The following NEDD9 variants were observed in gnomAD, a reference collection of about 807,000 sequenced individuals.
NEDD9 encodes neural precursor cell expressed, developmentally down-regulated 9.
In NEDD9, 26 loss-of-function variants were observed where a neutral mutation model predicts 76.6. The ratio of observed to expected loss-of-function variants is 0.34; its 90% CI spans 0.25 to 0.47. The LOEUF (loss-of-function observed/expected upper bound fraction) is 0.47, where lower values mean the gene tolerates loss of function less well. Ranked by LOEUF, NEDD9 falls within the 20% of genes least tolerant of loss-of-function variation. NEDD9 has a pLI of 1.00. For synonymous variants in NEDD9, 392 were observed against 414.2 expected (o/e 0.95, Z 0.65); for missense variants, 937 against 1,058.5 (o/e 0.89, Z 1.59).
intron 2 of NEDD9, among the ~76,000 whole-genome samples, chr6:11,330,389 G>T (rs1762010737): frequency 1.3e-5 from 2 of 152,172 alleles, no homozygotes; most frequent in Non-Finnish European, 2.9e-5. Flanking sequence ...ATTTTGGCGG[G>T]AACAGAGAGC....
At chr6:11,326,210 A>G (rs1372780990) in intron 2 of NEDD9, among the ~76,000 whole-genome samples, 1 of 151,848 alleles carries the variant, frequency 6.6e-6, no homozygotes, top group African/African-American at 2.4e-5. Flanking sequence ...AGTCCGCTGG[A>G]CTTTGTTATC....
chr6:11,240,782 G>A (rs1759695155), intron 3 of NEDD9, among the ~76,000 whole-genome samples: 1 of 152,204 alleles, frequency 6.6e-6, no homozygotes, highest in Non-Finnish European at 1.5e-5. Context: ...AGACTTGGAT[G>A]AATTAACTTA....
intron 3 of NEDD9, among the ~76,000 whole-genome samples, chr6:11,285,465 C>CT (rs1026456896): frequency 1.4e-4 from 22 of 151,886 alleles, no homozygotes; most frequent in Admixed American, 6.6e-4. Flanking sequence ...GCCCAGTAGG[C>CT]TTTTTTTTGT....
chr6:11,327,651 C>T (rs536959599), intron 2 of NEDD9, among the ~76,000 whole-genome samples: 13 of 152,260 alleles, frequency 8.5e-5, no homozygotes, highest in Admixed American at 3.9e-4. Context: ...CAGAGAAAGA[C>T]GATGGAAAGT....
chr6:11,225,178 T>G (rs575496850), intron 1 of NEDD9, among the ~76,000 whole-genome samples: 1 of 152,372 alleles, frequency 6.6e-6, no homozygotes, highest in Admixed American at 6.5e-5. Flanking sequence ...TCAAATATTT[T>G]TGTTGCTTGA....
chr6:11,343,434 A>T (rs1180908348), intron 1 of NEDD9, among the ~76,000 whole-genome samples: 2 of 152,122 alleles, frequency 1.3e-5, no homozygotes, highest in Admixed American at 6.5e-5. Context: ...GTCTCAAAAA[A>T]AAAAAAAAGT....
chr6:11,351,351 A>C (rs1311401236), intron 1 of NEDD9, among the ~76,000 whole-genome samples: 1 of 152,216 alleles, frequency 6.6e-6, no homozygotes, highest in Non-Finnish European at 1.5e-5. Flanking sequence ...AGGATGGACC[A>C]GTTCAAGAGG....
chr6:11,370,039 G>A lies in NEDD9; in HGVS notation c.-214+12100C>T, dbSNP rs913894840. Among the ~76,000 whole-genome samples the A allele has an allele frequency of 2.6e-5, 4 of 152,204 alleles. No homozygotes were observed. The highest frequency in any genetic ancestry group is 5.9e-5 in the Non-Finnish European group (4 of 68,044). ...CAGATAGAAAGTATGACATAGAAGAGGCTAACACTTCTCTAACTGGGTATT... is the reference window on the plus strand; with the variant it reads ...CAGATAGAAAGTATGACATAGAAGAAGCTAACACTTCTCTAACTGGGTATT... On this transcript the variant is annotated intron_variant, in intron 1 of 3. Coordinates refer to the NEDD9 transcript ENST00000397378. The surrounding 1 kb of genome is among the most constrained non-coding windows in gnomAD (Gnocchi z 4.2).
At chr6:11,341,913 A>G (rs762506434) in intron 1 of NEDD9, among the ~76,000 whole-genome samples, 19 of 152,188 alleles carry the variant, frequency 1.2e-4, no homozygotes, top group Non-Finnish European at 1.8e-4. Flanking sequence ...ATGTTTTACA[A>G]TATATATTCA....
chr6:11,340,044 C>G (rs1762242646), intron 1 of NEDD9, among the ~76,000 whole-genome samples: 1 of 152,172 alleles, frequency 6.6e-6, no homozygotes, highest in African/African-American at 2.4e-5. Context: ...TTCAGGTGAC[C>G]TTCAGAATTC....
At chr6:11,318,523 C>T (rs771404772) in intron 2 of NEDD9, among the ~76,000 whole-genome samples, 3 of 152,100 alleles carry the variant, frequency 2.0e-5, no homozygotes, top group South Asian at 2.1e-4. Flanking sequence ...TCAGACTTTG[C>T]TGTCTTACCA....
intron 3 of NEDD9, chr6:11,305,705 G>T: frequency 2.4e-6 from 1 of 416,256 alleles, no homozygotes; most frequent in Non-Finnish European, 4.4e-6. Flanking sequence ...AGGCTTGCTC[G>T]GGCACCATTA....
chr6:11,209,596 G>A (rs890689694), intron 2 of NEDD9, among the ~76,000 whole-genome samples: 25 of 152,208 alleles, frequency 1.6e-4, no homozygotes, highest in Non-Finnish European at 3.2e-4. Flanking sequence ...GCCATGCTAA[G>A]CACTGAGCCA....
In NEDD9 at chr6:11,374,391, A is replaced by G. The variant is rs1259836612; in HGVS notation, c.-214+7748T>C. 2.0e-5 allele frequency among the ~76,000 whole-genome samples: 3 copies of G among 152,324 alleles called. No homozygotes were observed. In the East Asian group the frequency reaches 5.8e-4, roughly 29 times the overall value. The stretch of plus-strand genomic sequence containing the variant: ...AGAGGACACTGTACTTGCTAAAGCC[A>G]TGTCCTGATAGTGTGACAGAAGGCA... On this transcript the variant is annotated intron_variant, in intron 1 of 3. Coordinates refer to the NEDD9 transcript ENST00000397378.
At chr6:11,355,990 G>A (rs1478802104) in intron 1 of NEDD9, among the ~76,000 whole-genome samples, 3 of 152,150 alleles carry the variant, frequency 2.0e-5, no homozygotes, top group Non-Finnish European at 4.4e-5. Context: ...CAAAGTCCTG[G>A]GATTGCAGGC....
intron 3 of NEDD9, among the ~76,000 whole-genome samples, chr6:11,283,866 G>A (rs1273127876): frequency 6.6e-6 from 1 of 152,158 alleles, no homozygotes. Context: ...AAGGGTGGAT[G>A]GTAGTAGTGG....
At chr6:11,331,464 T>C (rs7767243) in intron 2 of NEDD9, among the ~76,000 whole-genome samples, 10,600 of 151,796 alleles carry the variant, frequency 0.07, 1,253 homozygotes, top group African/African-American at 0.24. Flanking sequence ...AGTGTGGCGG[T>C]GGTGGGAGTG....
chr6:11,233,406 G>A (rs1240978448), upstream of NEDD9: 5 of 518,918 alleles, frequency 9.6e-6, no homozygotes, highest in East Asian at 5.4e-5. Context: ...TGAGGATAAA[G>A]GTTAGATGTG....
At chr6:11,248,262 T>C (rs60488609) in intron 3 of NEDD9, among the ~76,000 whole-genome samples, 11,737 of 151,884 alleles carry the variant, frequency 0.077, 651 homozygotes, top group African/African-American at 0.16. Context: ...GCCTTTACCA[T>C]GTAGAAGTCA....
Sources: gnomAD v4.1 joint callset for allele counts (sites outside exome capture counted in the v4.1 genomes callset) on GRCh38, gnomAD v4.1.1 for gene constraint, Gnocchi (gnomAD v3.1) non-coding constraint, MANE v1.5 for transcripts, NCBI Gene and HGNC (gene_info 2026-07-23, HGNC 2026-07-21) for gene names.